Variants in ACOT12 observed in about 807,000 individuals in gnomAD.
The protein encoded by ACOT12 is acetyl-coenzyme A thioesterase.
A neutral mutation model predicts 67.7 loss-of-function variants in ACOT12; 51 were observed. The ratio of observed to expected loss-of-function variants is 0.75; its 90% confidence interval spans 0.60 to 0.95. The LOEUF (loss-of-function observed/expected upper bound fraction) is 0.95. Among genes scored for constraint, ACOT12 ranks in the 40% least tolerant of loss-of-function variants. ACOT12 has a pLI of 0.00. For missense variants in ACOT12, 734 were observed against 708.1 expected (o/e 1.04, Z -0.41); for synonymous variants, 251 against 244.6 (o/e 1.03, Z -0.24).
intron 4 of ACOT12, among the ~76,000 whole-genome samples, chr5:81,363,351 G>A (rs1441687589): frequency 6.6e-6 from 1 of 152,150 alleles, no homozygotes; most frequent in African/African-American, 2.4e-5. Context: ...AATGTTGACA[G>A]TTTTCCTTCA....
At chr5:81,324,809 G>GA in the ACOT12 span, among the ~76,000 whole-genome samples, 1 of 152,186 alleles carries the variant, frequency 6.6e-6, no homozygotes, top group Non-Finnish European at 1.5e-5. Context: ...AGTAAGTCAA[G>GA]AACAGGGCCA....
chr5:81,342,528 A>G (rs1458477565), intron 11 of ACOT12, 144 bp downstream of exon 11: 1 of 771,898 alleles, frequency 1.3e-6, no homozygotes, highest in Non-Finnish European at 2.2e-6. Flanking sequence ...ACAGGGCTGA[A>G]AAGATGGTTG....
Position 81,332,114 on chromosome 5 carries a change from G to A in ACOT12, c.1391+363C>T, listed in dbSNP as rs375874688. 2.1e-3 allele frequency among the ~76,000 whole-genome samples: 314 copies of A among 152,328 alleles called. 2 individuals are homozygous for A. The Middle Eastern group carries it at 0.024, about 12-fold the overall frequency. On this transcript the variant is annotated intron_variant, in intron 13 of 14. Transcript: ENST00000307624. The stretch of plus-strand genomic sequence containing the variant: ...ACAGCCCCAGCTGACAACCAGCCAT[G>A]GTGGATGTCTAGCATAGTCAAGCCT...
intron 4 of ACOT12, among the ~76,000 whole-genome samples, chr5:81,360,949 AC>A (rs200842767): frequency 0.016 from 2,387 of 151,900 alleles, 59 homozygotes; most frequent in African/African-American, 0.055. Flanking sequence ...ATGGTGGAGC[AC>A]ACCTGTAATC....
the ACOT12 span, among the ~76,000 whole-genome samples, chr5:81,317,736 G>T: frequency 1.3e-5 from 2 of 152,060 alleles, no homozygotes; most frequent in Non-Finnish European, 2.9e-5. Flanking sequence ...AGTCTGCCCC[G>T]ATGATTGAAT....
At chr5:81,364,013 T>G (rs1430869785) in intron 3 of ACOT12, 124 bp from the exon 4 acceptor site, 1 of 497,030 alleles carries the variant, frequency 2.0e-6, no homozygotes, top group African/African-American at 2.0e-5. Flanking sequence ...AATTTTAATT[T>G]ATTTTTAAGC....
At chr5:81,308,813 T>C in the ACOT12 span, 1 of 1,457,086 alleles carries the variant, frequency 6.9e-7, no homozygotes. Flanking sequence ...TGCCACTTAG[T>C]ATTTGGAAAT....
chr5:81,372,843 A>G (rs192792214), intron 2 of ACOT12, among the ~76,000 whole-genome samples: 4 of 152,354 alleles, frequency 2.6e-5, no homozygotes, highest in South Asian at 2.1e-4. Flanking sequence ...ACAGTGATGA[A>G]TAAGACAAAA....
At chr5:81,390,770 G>A (rs1275666600) in intron 1 of ACOT12, among the ~76,000 whole-genome samples, 1 of 152,062 alleles carries the variant, frequency 6.6e-6, no homozygotes, top group African/African-American at 2.4e-5. Context: ...CCAAAGTGCT[G>A]GGATTACAGC....
chr5:81,370,629 C>T (rs1436596238), intron 3 of ACOT12, among the ~76,000 whole-genome samples: 11 of 152,166 alleles, frequency 7.2e-5, no homozygotes, highest in Non-Finnish European at 1.3e-4. Flanking sequence ...CTACAGAGAG[C>T]CATGGGAGGG....
chr5:81,359,921 C>T lies in ACOT12; in HGVS notation c.478G>A (p.Glu160Lys), dbSNP rs1759849270. ...TACTGACCATCAAATTTGCTACTTT[C>T]CTTCATTAAATTGTTAAAGGTATCT... ...HEDTFNNLMK[E>K]SSKFDDLIFD... is the part of the protein sequence containing the mutation. Residue 160 changes from glutamate to lysine, a missense_variant, in exon 5 of 15, where the codon GAA (glutamate) becomes AAA (lysine). Glu to Lys is a moderately conservative substitution (Grantham distance 56). Transcript: ENST00000307624. 5 of 1,606,804 alleles carry T rather than the reference C, an allele frequency of 3.1e-6. No individual in the cohort carries two copies. Among genetic ancestry groups the T allele is most frequent in the East Asian group, 2.2e-5 (1 of 44,748 alleles).
At chr5:81,331,272 T>G (rs987436432) in intron 13 of ACOT12, among the ~76,000 whole-genome samples, 2 of 152,234 alleles carry the variant, frequency 1.3e-5, no homozygotes, top group African/African-American at 2.4e-5. Context: ...GTGCAGTGGC[T>G]CACGCCTGTA....
intron 3 of ACOT12, among the ~76,000 whole-genome samples, chr5:81,364,691 T>C (rs1352265417): frequency 6.6e-6 from 1 of 152,202 alleles, no homozygotes; most frequent in Non-Finnish European, 1.5e-5. Context: ...CCTCCCAAAG[T>C]GCTGGGATTA....
intron 3 of ACOT12, among the ~76,000 whole-genome samples, chr5:81,366,817 G>A (rs1760094885): frequency 6.6e-6 from 1 of 152,124 alleles, no homozygotes; most frequent in African/African-American, 2.4e-5. Flanking sequence ...CAGTGAAGCT[G>A]AAGATGACAA....
intron 3 of ACOT12, among the ~76,000 whole-genome samples, chr5:81,368,678 G>T (rs868146027): frequency 6.6e-6 from 1 of 151,776 alleles, no homozygotes; most frequent in African/African-American, 2.4e-5. Flanking sequence ...AAAATTTTAC[G>T]ATCTTAAATG....
intron 3 of ACOT12, among the ~76,000 whole-genome samples, chr5:81,365,271 T>A (rs1244023403): frequency 1.3e-5 from 2 of 152,248 alleles, no homozygotes; most frequent in Non-Finnish European, 1.5e-5. Context: ...CTTTACTGTG[T>A]ACACCATGTA....
the ACOT12 span, among the ~76,000 whole-genome samples, chr5:81,320,717 A>G: frequency 6.6e-6 from 1 of 152,210 alleles, no homozygotes; most frequent in Non-Finnish European, 1.5e-5. Flanking sequence ...AGCAGCAGCA[A>G]TGAGTAGTAA....
rs1171188269 is a variant in ACOT12 at position 81,330,823 on chromosome 5, A to G, written c.1509T>C (p.Asn503=). Residue 503 remains asparagine, a synonymous_variant, in exon 14 of 15, where the codon AAT becomes AAC. Transcript: ENST00000307624. The part of the protein sequence containing the change: ...AGFLIHAIDS[N]SCIVSYFNHM... ...GTTTCATCAAACTTACGATGCATGA[A>G]TTGCTGTCAATAGCATGGATGAGAA... 1.9e-6 allele frequency: 3 copies of G among 1,613,772 alleles called. No individual in the cohort carries two copies. The highest frequency in any genetic ancestry group is 2.5e-6 in the Non-Finnish European group (3 of 1,179,894).
downstream of ACOT12, among the ~76,000 whole-genome samples, chr5:81,327,207 TACAC>T (rs71992916): frequency 5.5e-5 from 8 of 144,956 alleles, no homozygotes; most frequent in East Asian, 2.0e-4. Flanking sequence ...ATAATATATA[TACAC>T]ACACACACAC....
Sources: allele counts gnomAD v4.1 joint callset (sites outside exome capture counted in the v4.1 genomes callset), GRCh38; gene constraint gnomAD v4.1.1; transcripts MANE v1.5; gene names NCBI Gene and HGNC (gene_info 2026-07-23, HGNC 2026-07-21).